MCF2L2: variants seen among roughly 807,000 people sequenced by gnomAD.
The protein encoded by MCF2L2 is MCF.2 cell line derived transforming sequence-like 2, also known as probable guanine nucleotide exchange factor MCF2L2.
A neutral mutation model predicts 150.2 loss-of-function variants in MCF2L2; 102 were observed. The ratio of observed to expected loss-of-function variants is 0.68; its 90% CI spans 0.58 to 0.80. MCF2L2 has a LOEUF of 0.80. MCF2L2 is among the 30% of genes least tolerant of loss of function. MCF2L2 has a pLI of 0.00. For synonymous variants in MCF2L2, 465 were observed against 491.3 expected (o/e 0.95, Z 0.71); for missense variants, 1,256 against 1,372.8 (o/e 0.91, Z 1.34).
rs764772081 is a variant in MCF2L2, at chr3:183,300,041, T to A, written c.1269A>T (p.Leu423Phe). 2.5e-6 allele frequency: 4 copies of A among 1,613,840 alleles called. No homozygotes were observed. The African/African-American group carries it at 5.3e-5, about 22-fold the overall frequency. ...INGNKKKWDILGKSLEFHRQL... is the reference protein window; with the variant it reads ...INGNKKKWDIFGKSLEFHRQL... Reference sequence around the variant, plus strand: ...GTCTATGAAACTCTAAGGACTTTCCTAAAATGTCCCATTTTTTCTTGTTTC... The same window carrying A: ...GTCTATGAAACTCTAAGGACTTTCCAAAAATGTCCCATTTTTTCTTGTTTC... The change falls in exon 11 of 30, where the codon TTA becomes TTT. Residue 423 changes from leucine to phenylalanine, a missense_variant. Transcript: ENST00000328913.
intron 4 of MCF2L2, among the ~76,000 whole-genome samples, chr3:183,339,128 C>T (rs1229160546): frequency 6.6e-6 from 1 of 151,966 alleles, no homozygotes; most frequent in African/African-American, 2.4e-5. Context: ...ACAAAGCAAA[C>T]CAAACAAGCA....
intron 15 of MCF2L2, among the ~76,000 whole-genome samples, chr3:183,243,664 T>C (rs1724128700): frequency 6.6e-6 from 1 of 152,180 alleles, no homozygotes; most frequent in South Asian, 2.1e-4. Context: ...GTCAAAGGTA[T>C]TATGTATAGA....
intron 3 of MCF2L2, among the ~76,000 whole-genome samples, chr3:183,360,306 C>T (rs1477069089): frequency 7.2e-5 from 11 of 152,134 alleles, no homozygotes; most frequent in African/African-American, 9.7e-5. Context: ...GGTGGCTCAT[C>T]CCTGTAATCC....
At chr3:183,274,580 C>G (rs16857237) in intron 15 of MCF2L2, among the ~76,000 whole-genome samples, 2 of 145,906 alleles carry the variant, frequency 1.4e-5, no homozygotes, top group African/African-American at 5.2e-5. Flanking sequence ...TATGGTAGAA[C>G]TTTTTACTTG....
chr3:183,338,743 A>G, intron 5 of MCF2L2, 57 bp downstream of exon 5: 1 of 1,529,292 alleles, frequency 6.5e-7, no homozygotes, highest in South Asian at 1.3e-5. Context: ...CCCTGCCCAA[A>G]TGCCATCTTA....
intron 15 of MCF2L2, chr3:183,253,409 G>T (rs186051455): frequency 1.3e-5 from 2 of 152,276 alleles, no homozygotes; most frequent in Admixed American, 1.3e-4. Flanking sequence ...GACATTTAAA[G>T]AGCTGGGCTT....
At chr3:183,338,402 G>A (rs886747983) in intron 5 of MCF2L2, among the ~76,000 whole-genome samples, 4 of 146,066 alleles carry the variant, frequency 2.7e-5, no homozygotes, top group Non-Finnish European at 3.0e-5. Flanking sequence ...AGCCGAGATT[G>A]TGCCATTGTA....
chr3:183,242,415 G>A (rs534427595), intron 15 of MCF2L2, among the ~76,000 whole-genome samples: 2 of 152,328 alleles, frequency 1.3e-5, no homozygotes, highest in South Asian at 2.1e-4. Context: ...GCCCAGCCCG[G>A]GGACCCCTGC....
chr3:183,205,355 C>T (rs766620220), intron 25 of MCF2L2, among the ~76,000 whole-genome samples: 7 of 151,714 alleles, frequency 4.6e-5, no homozygotes, highest in Non-Finnish European at 8.8e-5. Flanking sequence ...CCAGCCTGGG[C>T]GACAAGAGCA....
chr3:183,311,069 T>C, intron 8 of MCF2L2, 40 bp from the exon 9 acceptor site: 1 of 1,320,030 alleles, frequency 7.6e-7, no homozygotes, highest in Non-Finnish European at 1.1e-6. Flanking sequence ...AGGTTAGCAT[T>C]CATTTCCACA....
intron 7 of MCF2L2, among the ~76,000 whole-genome samples, chr3:183,316,222 G>A (rs1729596131): frequency 6.6e-6 from 1 of 152,094 alleles, no homozygotes; most frequent in Admixed American, 6.6e-5. Context: ...GTTTGGAAAA[G>A]CAAAGGCCAA....
intron 25 of MCF2L2, among the ~76,000 whole-genome samples, chr3:183,203,967 T>G (rs2108644731): frequency 6.6e-6 from 1 of 152,294 alleles, no homozygotes; most frequent in African/African-American, 2.4e-5. Flanking sequence ...AGGAATTCTA[T>G]ACCTAAAGCC....
chr3:183,273,267 T>C, intron 15 of MCF2L2: 1 of 351,556 alleles, frequency 2.8e-6, no homozygotes, highest in Non-Finnish European at 5.3e-6. Flanking sequence ...TTTTTCCATA[T>C]TGTTAATTTT....
At chr3:183,317,810 C>T (rs987554455) in intron 7 of MCF2L2, among the ~76,000 whole-genome samples, 1 of 151,290 alleles carries the variant, frequency 6.6e-6, no homozygotes. Context: ...TGCTTCCCAC[C>T]GTTCTTCACT....
intron 7 of MCF2L2, among the ~76,000 whole-genome samples, chr3:183,312,804 C>A (rs1729440144): frequency 6.6e-6 from 1 of 152,158 alleles, no homozygotes; most frequent in Non-Finnish European, 1.5e-5. Flanking sequence ...CAGAATTTCC[C>A]CTGGAAGGGT....
At chr3:183,238,736 G>A (rs1226928757) in intron 15 of MCF2L2, among the ~76,000 whole-genome samples, 3 of 150,422 alleles carry the variant, frequency 2.0e-5, no homozygotes, top group Non-Finnish European at 3.0e-5. Flanking sequence ...GGTGGCTCAC[G>A]CCTGTAATCC....
At chr3:183,410,294 A>G (rs539301753) in intron 1 of MCF2L2, among the ~76,000 whole-genome samples, 1 of 152,318 alleles carries the variant, frequency 6.6e-6, no homozygotes, top group East Asian at 1.9e-4. Context: ...GCAATTGATC[A>G]AGCATCAACT....
At chr3:183,350,561 G>A (rs1047609052) in intron 3 of MCF2L2, among the ~76,000 whole-genome samples, 1 of 152,168 alleles carries the variant, frequency 6.6e-6, no homozygotes, top group Non-Finnish European at 1.5e-5. Flanking sequence ...TAATCCTCAA[G>A]AATGCTTCGA....
At chr3:183,303,126 G>A (rs571031275) in intron 10 of MCF2L2, among the ~76,000 whole-genome samples, 78 of 150,028 alleles carry the variant, frequency 5.2e-4, no homozygotes, top group Middle Eastern at 3.5e-3. Flanking sequence ...CCTGGGAGGC[G>A]GAGGTTGCAG....
Sources: gnomAD v4.1 joint callset for allele counts (sites outside exome capture counted in the v4.1 genomes callset) on GRCh38, gnomAD v4.1.1 for gene constraint, MANE v1.5 for transcripts, NCBI Gene and HGNC (gene_info 2026-07-23, HGNC 2026-07-21) for gene names.